The following MLLT3 variants were observed in gnomAD, a reference collection of about 807,000 sequenced individuals.
MLLT3 encodes the protein MLLT3 super elongation complex subunit, also known as protein AF-9.
Under a neutral mutation model 53.2 loss-of-function variants are expected in MLLT3, and 4 were observed. The observed-to-expected ratio is 0.08, with a 90% confidence interval of 0.04 to 0.17. The LOEUF is 0.17. MLLT3 is among the 10% of genes least tolerant of loss of function. MLLT3 has a pLI of 1.00. For missense variants in MLLT3, 569 were observed against 684.0 expected (o/e 0.83, Z 1.87); for synonymous variants, 283 against 230.6 (o/e 1.23, Z -2.06).
intron 4 of MLLT3, among the ~76,000 whole-genome samples, chr9:20,446,201 T>A (rs1372339797): frequency 6.6e-6 from 1 of 152,180 alleles, no homozygotes; most frequent in East Asian, 1.9e-4. Flanking sequence ...CTTGTAATAT[T>A]TCAAACAGCA....
At chr9:20,417,483 A>C (rs1350317205) in intron 4 of MLLT3, among the ~76,000 whole-genome samples, 1 of 151,516 alleles carries the variant, frequency 6.6e-6, no homozygotes, top group Non-Finnish European at 1.5e-5. Flanking sequence ...AGTACCACTG[A>C]GCAGCACAGA....
intron 2 of MLLT3, among the ~76,000 whole-genome samples, chr9:20,482,491 T>G (rs1213802274): frequency 1.3e-5 from 2 of 152,182 alleles, no homozygotes; most frequent in East Asian, 3.8e-4. Flanking sequence ...TAAAATGAAG[T>G]GTTGCCCAAT....
intron 8 of MLLT3, among the ~76,000 whole-genome samples, chr9:20,359,145 CAAAAAAAAAAA>C (rs920197622): frequency 0.019 from 398 of 20,984 alleles, 8 homozygotes; most frequent in Admixed American, 0.12. Context: ...AACTCCATCT[CAAAAAAAAAAA>C]AAAAAAAAAA....
chr9:20,485,739 TAC>T (rs1463001702), intron 2 of MLLT3, among the ~76,000 whole-genome samples: 10 of 73,958 alleles, frequency 1.4e-4, no homozygotes, highest in Admixed American at 5.5e-4. Context: ...CATACACATA[TAC>T]ACACGTGTGT....
intron 2 of MLLT3, among the ~76,000 whole-genome samples, chr9:20,548,898 C>T (rs1365427103): frequency 6.6e-6 from 1 of 151,700 alleles, no homozygotes; most frequent in Non-Finnish European, 1.5e-5. Flanking sequence ...ACTGCATCCT[C>T]GACCTCCCCC....
At chr9:20,459,364 C>T (rs1024668229) in intron 2 of MLLT3, among the ~76,000 whole-genome samples, 5 of 152,144 alleles carry the variant, frequency 3.3e-5, no homozygotes, top group South Asian at 2.1e-4. Context: ...ACCTGTCAAC[C>T]GATCATGAAT....
chr9:20,356,021 T>C (rs1458199496), intron 8 of MLLT3, among the ~76,000 whole-genome samples: 1 of 152,184 alleles, frequency 6.6e-6, no homozygotes, highest in Non-Finnish European at 1.5e-5. Context: ...TTTAATATTT[T>C]TGGACCGCAA....
intron 2 of MLLT3, among the ~76,000 whole-genome samples, chr9:20,521,267 C>T (rs1265813479): frequency 3.9e-5 from 6 of 152,058 alleles, no homozygotes; most frequent in Admixed American, 6.6e-5. Flanking sequence ...GATGGGGTTT[C>T]GCCGTGTTGG....
In MLLT3 at chr9:20,578,966, C is replaced by G. The variant is rs926962725; in HGVS notation, c.193+41688G>C. ...TTTTTCGAGTAAAGCTACTAGAAAA[C>G]CTAAAATTGCAACTGTGACTTGCAT... On this transcript the variant is annotated intron_variant, in intron 2 of 10. Coordinates refer to ENST00000380338, the MANE Select transcript of MLLT3 (RefSeq NM_004529.4). Among the ~76,000 whole-genome samples the G allele has an allele frequency of 5.3e-5, 8 of 152,040 alleles. 1 individual carries two copies. The highest frequency in any genetic ancestry group is 1.9e-4 in the African/African-American group (8 of 41,408).
At chr9:20,520,686 A>AG (rs1818034843) in intron 2 of MLLT3, among the ~76,000 whole-genome samples, 1 of 152,220 alleles carries the variant, frequency 6.6e-6, no homozygotes, top group Non-Finnish European at 1.5e-5. Flanking sequence ...CTAGAGACAG[A>AG]GAGATGGTTG....
Position 20,378,552 on chromosome 9 carries a change from T to G in MLLT3, c.1126-12808A>C, listed in dbSNP as rs142494926. 1.8e-3 allele frequency among the ~76,000 whole-genome samples: 281 copies of G among 152,156 alleles called. 1 individual carries two copies. The highest frequency in any genetic ancestry group is 6.4e-3 in the African/African-American group (265 of 41,554). On this transcript the variant is annotated intron_variant, in intron 5 of 10. Coordinates refer to ENST00000380338, the MANE Select transcript of MLLT3 (RefSeq NM_004529.4). The stretch of plus-strand genomic sequence containing the variant: ...ATTTTGAAGTGCACATAGCTTTTCT[T>G]AAAAACCCAACACAAAATACTTTAC...
chr9:20,545,566 A>G (rs954743368), intron 2 of MLLT3, among the ~76,000 whole-genome samples: 10 of 152,184 alleles, frequency 6.6e-5, no homozygotes, highest in Admixed American at 2.0e-4. Context: ...GTTATGTGTA[A>G]AAGTTTTTTT....
chr9:20,472,745 G>C (rs1206207168), intron 2 of MLLT3, among the ~76,000 whole-genome samples: 4 of 152,030 alleles, frequency 2.6e-5, no homozygotes, highest in Non-Finnish European at 4.4e-5. Context: ...ACCAAATTTA[G>C]AAATATCTTA....
Position 20,365,206 on chromosome 9 carries a change from C to T in MLLT3, c.1201+463G>A, listed in dbSNP as rs80054618. On this transcript the variant is annotated intron_variant, in intron 6 of 10. Transcript: ENST00000380338. ...AAGGGGAATTTCTAGAGCCTTGCCT[C>T]GTACATCAGAACAATACTCAACTGT... 1.5e-3 allele frequency among the ~76,000 whole-genome samples: 229 copies of T among 152,180 alleles called. 1 individual carries two copies. The highest frequency in any genetic ancestry group is 5.0e-3 in the African/African-American group (208 of 41,512).
Position 20,621,635 on chromosome 9 carries a change from G to T in MLLT3, c.12+610C>A. ...CCCCCCAAAAAATGAAATTCAGAAA[G>T]GCAGGGCGGCGGGCGGACAGCCGCC... On this transcript the variant is annotated intron_variant, in intron 1 of 10. Coordinates refer to ENST00000380338, the MANE Select transcript of MLLT3 (RefSeq NM_004529.4). This position sits in a 1 kb window ranked among gnomAD's most constrained non-coding sequence, Gnocchi z 7.0. 1 of 807,128 alleles carries T rather than the reference G, an allele frequency of 1.2e-6. No individual in the cohort carries two copies. Among genetic ancestry groups the T allele is most frequent in the Non-Finnish European group, 1.8e-6 (1 of 548,350 alleles). The allele number at this position is 807,128 out of a possible 1,614,324, so 50.0% of individuals were successfully genotyped here. A position where few individuals can be genotyped will look rare whatever the true frequency, so the allele number is the denominator to read the frequency against.
At chr9:20,560,847 T>G (rs1272463867) in intron 2 of MLLT3, among the ~76,000 whole-genome samples, 1 of 152,198 alleles carries the variant, frequency 6.6e-6, no homozygotes, top group East Asian at 1.9e-4. Context: ...CACATACAGA[T>G]TGTGTAACAA....
chr9:20,429,263 C>G (rs1375594152), intron 4 of MLLT3, among the ~76,000 whole-genome samples: 2 of 151,988 alleles, frequency 1.3e-5, no homozygotes, highest in African/African-American at 4.8e-5. Flanking sequence ...AGCTAATCAG[C>G]AGGCTGAGGC....
At chr9:20,570,493 T>C (rs1235956800) in intron 2 of MLLT3, among the ~76,000 whole-genome samples, 1 of 152,218 alleles carries the variant, frequency 6.6e-6, no homozygotes, top group African/African-American at 2.4e-5. Flanking sequence ...GTTTTAACAA[T>C]TTCTTAAGCT....
In MLLT3 at chr9:20,602,178, G is replaced by A. The variant is rs1021709350; in HGVS notation, c.193+18476C>T. On this transcript the variant is annotated intron_variant, in intron 2 of 10. Transcript: ENST00000380338. Reference sequence around the variant, plus strand: ...TATGAATCAATGAGAACTTCTTCCCGCTAACTCGTATGGCTATTTTCTCCA... The same window carrying A: ...TATGAATCAATGAGAACTTCTTCCCACTAACTCGTATGGCTATTTTCTCCA... Among the ~76,000 whole-genome samples, 6 of 151,978 alleles carry A rather than the reference G, an allele frequency of 3.9e-5. No homozygotes were observed. The East Asian group carries it at 5.8e-4, about 15-fold the overall frequency.
Sources: gnomAD v4.1 joint callset for allele counts (sites outside exome capture counted in the v4.1 genomes callset) on GRCh38, gnomAD v4.1.1 for gene constraint, Gnocchi (gnomAD v3.1) non-coding constraint, MANE v1.5 for transcripts, NCBI Gene and HGNC (gene_info 2026-07-23, HGNC 2026-07-21) for gene names.